The following LINGO2 variants were observed in gnomAD, a reference collection of about 807,000 sequenced individuals.
LINGO2 encodes the protein leucine-rich repeat and immunoglobulin-like domain-containing nogo receptor-interacting protein 2.
In LINGO2, 14 loss-of-function variants were observed where a neutral mutation model predicts 30.6. The ratio of observed to expected loss-of-function variants is 0.46; its 90% CI spans 0.30 to 0.72. The LOEUF is 0.72. Ranked by LOEUF, LINGO2 falls within the 30% of genes least tolerant of loss-of-function variation. The probability of loss-of-function intolerance (pLI) is 0.07; values close to 1 mark genes in which losing one functional copy is unlikely to be tolerated. For synonymous variants in LINGO2, 317 were observed against 288.5 expected, an observed-to-expected ratio of 1.10 and a Z score of -1.00; for missense variants, 729 against 751.7, an observed-to-expected ratio of 0.97 and a Z score of 0.35.
chr9:28,832,179 A>C, the LINGO2 span, among the ~76,000 whole-genome samples: 1 of 152,332 alleles, frequency 6.6e-6, no homozygotes, highest in Non-Finnish European at 1.5e-5. Flanking sequence ...AATATCAATA[A>C]AGAAAAGCAG....
At chr9:28,551,736 A>G (rs1419532518) in intron 1 of LINGO2, among the ~76,000 whole-genome samples, 3 of 151,996 alleles carry the variant, frequency 2.0e-5, no homozygotes, top group Non-Finnish European at 4.4e-5. Flanking sequence ...TGGGGAAGGG[A>G]TGATTTAGAC....
At chr9:28,024,041 G>A (rs990746182) in intron 4 of LINGO2, among the ~76,000 whole-genome samples, 3 of 152,146 alleles carry the variant, frequency 2.0e-5, no homozygotes, top group African/African-American at 4.8e-5. Context: ...TCAATTCTAT[G>A]AGGAGTCCAA....
chr9:28,963,491 AATCAACCTAAGTATAT>A, the LINGO2 span, among the ~76,000 whole-genome samples: 2 of 151,126 alleles, frequency 1.3e-5, no homozygotes, highest in South Asian at 4.2e-4. Context: ...CAAGATATGG[AATCAACCTAAGTATAT>A]ATCAATGGAT....
the LINGO2 span, among the ~76,000 whole-genome samples, chr9:28,883,967 C>T: frequency 2.5e-3 from 383 of 151,400 alleles, no homozygotes; most frequent in Admixed American, 5.9e-3. Context: ...CGTGAGCCAC[C>T]GCGCCCGGCT....
chr9:29,008,075 T>C, the LINGO2 span, among the ~76,000 whole-genome samples: 1 of 152,020 alleles, frequency 6.6e-6, no homozygotes, highest in African/African-American at 2.4e-5. Flanking sequence ...ATCCCTCCCC[T>C]CTCCCCTAAC....
rs183141766 is a variant in LINGO2, at chr9:28,638,731, T to C, written c.-365+31469A>G. 2.8e-3 allele frequency among the ~76,000 whole-genome samples: 430 copies of C among 152,308 alleles called. 3 individuals carry two copies. Among genetic ancestry groups the C allele is most frequent in the African/African-American group, 9.6e-3 (400 of 41,574 alleles). On this transcript the variant is annotated intron_variant, in intron 1 of 5. Coordinates refer to ENST00000379992, the Ensembl canonical transcript of LINGO2. ...CTCTTTTCTTCTTTATTAGTCTTGCTAGCAGTCTATCAATTTTGTTGCTCT... is the reference window on the plus strand; with the variant it reads ...CTCTTTTCTTCTTTATTAGTCTTGCCAGCAGTCTATCAATTTTGTTGCTCT...
chr9:28,991,829 AC>A, the LINGO2 span, among the ~76,000 whole-genome samples: 1 of 149,700 alleles, frequency 6.7e-6, no homozygotes, highest in Non-Finnish European at 1.5e-5. Context: ...AGATTTTGTC[AC>A]CACCAGGCCT....
intron 4 of LINGO2, among the ~76,000 whole-genome samples, chr9:28,104,627 G>C (rs1268935435): frequency 3.3e-5 from 5 of 151,456 alleles, no homozygotes; most frequent in Non-Finnish European, 1.5e-5. Flanking sequence ...CTCCATTATT[G>C]TGGTGAAAAT....
the LINGO2 span, among the ~76,000 whole-genome samples, chr9:28,743,074 G>T: frequency 3.3e-5 from 5 of 151,904 alleles, no homozygotes; most frequent in African/African-American, 1.2e-4. Context: ...CAGACTAAAT[G>T]ACTTCTTTAG....
the LINGO2 span, among the ~76,000 whole-genome samples, chr9:28,801,547 T>G: frequency 6.6e-6 from 1 of 152,082 alleles, no homozygotes. Context: ...TATGATCACT[T>G]AATTTCAGTT....
chr9:28,486,712 TA>T (rs34793119), intron 1 of LINGO2, among the ~76,000 whole-genome samples: 1 of 151,550 alleles, frequency 6.6e-6, no homozygotes, highest in Admixed American at 6.6e-5. Context: ...TACTTCAATG[TA>T]AAAAAAATCT....
At chr9:28,199,596 C>A (rs150972949) in intron 4 of LINGO2, among the ~76,000 whole-genome samples, 7,281 of 152,166 alleles carry the variant, frequency 0.048, 242 homozygotes, top group Admixed American at 0.096. Context: ...CCTCGGCCCC[C>A]CAAAGTGTTG....
intron 4 of LINGO2, among the ~76,000 whole-genome samples, chr9:28,049,880 A>T (rs749946391): frequency 9.3e-5 from 14 of 150,690 alleles, no homozygotes; most frequent in Non-Finnish European, 1.5e-4. Flanking sequence ...AGATTTTTAA[A>T]TCAAGAGAGC....
chr9:29,019,761 A>ATT, the LINGO2 span, among the ~76,000 whole-genome samples: 8 of 152,204 alleles, frequency 5.3e-5, no homozygotes, highest in African/African-American at 1.9e-4. Flanking sequence ...ACAAGAAAAT[A>ATT]TTTTTTTTTT....
intron 1 of LINGO2, among the ~76,000 whole-genome samples, chr9:28,650,920 A>G (rs1249087455): frequency 1.3e-5 from 2 of 152,100 alleles, no homozygotes; most frequent in African/African-American, 4.8e-5. Context: ...GCTGGATGCG[A>G]TGGCTTACGC....
chr9:28,140,282 G>A (rs1246153971), intron 4 of LINGO2, among the ~76,000 whole-genome samples: 4 of 152,268 alleles, frequency 2.6e-5, no homozygotes, highest in South Asian at 2.1e-4. Flanking sequence ...CCAAATTTCC[G>A]TAAAATGGTA....
chr9:28,421,281 AAAG>A (rs1823185101), intron 2 of LINGO2, among the ~76,000 whole-genome samples: 1 of 152,000 alleles, frequency 6.6e-6, no homozygotes. Context: ...AAAAAATAAA[AAAG>A]GACATCAATA....
At chr9:28,651,900 T>G (rs12351510) in intron 1 of LINGO2, among the ~76,000 whole-genome samples, 16,177 of 152,212 alleles carry the variant, frequency 0.11, 997 homozygotes, top group African/African-American at 0.15. Flanking sequence ...TTTACTGGTT[T>G]ATTACCTTTG....
At chr9:28,647,534 A>G (rs1321038671) in intron 1 of LINGO2, among the ~76,000 whole-genome samples, 2 of 152,076 alleles carry the variant, frequency 1.3e-5, no homozygotes, top group Non-Finnish European at 2.9e-5. Flanking sequence ...CTACCTCCCA[A>G]TAGCAGAAAA....
Sources: gnomAD v4.1 joint callset for allele counts (sites outside exome capture counted in the v4.1 genomes callset) on GRCh38, gnomAD v4.1.1 for gene constraint, MANE v1.5 for transcripts, NCBI Gene and HGNC (gene_info 2026-07-23, HGNC 2026-07-21) for gene names.